ABCD4: variants seen among roughly 807,000 people sequenced by gnomAD.
ABCD4 encodes lysosomal cobalamin transporter ABCD4.
ABCD4 carries 53 observed loss-of-function variants against 86.3 expected under a neutral mutation model. The observed-to-expected ratio is 0.61, with a 90% confidence interval of 0.49 to 0.77. The LOEUF (loss-of-function observed/expected upper bound fraction) is 0.77. Ranked by LOEUF, ABCD4 falls within the 30% of genes least tolerant of loss-of-function variation. The pLI is 0.00. For synonymous variants in ABCD4, 328 were observed against 313.6 expected (o/e 1.05, Z -0.49); for missense variants, 757 against 764.5 (o/e 0.99, Z 0.12).
intron 2 of ABCD4, chr14:74,299,919 C>T (rs1216702201): frequency 1.9e-5 from 11 of 583,880 alleles, no homozygotes; most frequent in Admixed American, 1.2e-4. Context: ...AAAGTTTAGT[C>T]GGGCGTGGTG....
chr14:74,289,735 T>G (rs2080940320), intron 13 of ABCD4: 23 of 1,434,670 alleles, frequency 1.6e-5, no homozygotes, highest in Non-Finnish European at 2.0e-5. Flanking sequence ...TCTGACAGCC[T>G]CCTGAGGGCA....
chr14:74,302,666 G>A (rs1415678931), intron 1 of ABCD4, among the ~76,000 whole-genome samples: 1 of 152,234 alleles, frequency 6.6e-6, no homozygotes, highest in African/African-American at 2.4e-5. Flanking sequence ...CACAAGTCCG[G>A]CCAAGAACGG....
rs997987461 is a variant in ABCD4, at chr14:74,299,870, T to C, written c.158-195A>G. The C allele has an allele frequency of 5.1e-6, 3 of 591,626 alleles. No individual in the cohort carries two copies. The Admixed American group carries it at 9.1e-5, about 18-fold the overall frequency. 36.6% of individuals were successfully genotyped at this position (591,626 alleles called of 1,614,324 possible). On this transcript the variant is annotated intron_variant, in intron 2 of 18. Transcript: ENST00000356924. ...TGAGGTCATGAGTTCGAGATCAGCC[T>C]GGCCAAGATGGTGAAACCCTGTCTT...
At chr14:74,289,786 G>A (rs889397508) in intron 13 of ABCD4, 14 of 1,436,800 alleles carry the variant, frequency 9.7e-6, no homozygotes, top group Non-Finnish European at 1.3e-5. Context: ...ACATACGCGT[G>A]TGGTATTTGG....
At chr14:74,295,276 G>A in intron 6 of ABCD4, 78 bp from the exon 7 acceptor site, 1 of 1,558,582 alleles carries the variant, frequency 6.4e-7, no homozygotes, top group Admixed American at 1.7e-5. Flanking sequence ...GGATCACAAA[G>A]ACCGCCCAAG....
intron 3 of ABCD4, 99 bp from the exon 4 acceptor site, chr14:74,298,168 C>T (rs2083370046): frequency 6.6e-7 from 1 of 1,521,604 alleles, no homozygotes; most frequent in South Asian, 1.3e-5. Context: ...CCCATCCCAG[C>T]CCACTCTGAC....
At chr14:74,292,204 A>C (rs1309882321) in intron 11 of ABCD4, 83 bp downstream of exon 11, 1 of 1,295,008 alleles carries the variant, frequency 7.7e-7, no homozygotes, top group East Asian at 2.3e-5. Flanking sequence ...CCAGCTGGGA[A>C]AGGGCAGGAC....
chr14:74,297,793 C>G, intron 4 of ABCD4, 137 bp downstream of exon 4: 3 of 1,420,340 alleles, frequency 2.1e-6, no homozygotes, highest in Non-Finnish European at 2.8e-6. Flanking sequence ...AGGGCACCCT[C>G]CCCCATGACT....
chr14:74,286,187 T>C lies in ABCD4; in HGVS notation c.*274A>G. On this transcript the variant is annotated 3_prime_UTR_variant, in exon 19 of 19. Transcript: ENST00000356924. ...TCTCTTTAGCAAACATGATCTGAAA[T>C]CATTTGTAGGTAATCAGCACTTCAA... 2.9e-6 allele frequency: 1 copy of C among 345,160 alleles called. No individual in the cohort carries two copies. The allele number at this position is 345,160 out of a possible 1,614,324, so 21.4% of individuals were successfully genotyped here. A position where few individuals can be genotyped will look rare whatever the true frequency, so the allele number is the denominator to read the frequency against.
At chr14:74,288,468 CATG>C (rs775230146) in intron 15 of ABCD4, 68 of 650,440 alleles carry the variant, frequency 1.0e-4, no homozygotes, top group Non-Finnish European at 1.7e-4. Context: ...CTTGCTGGAG[CATG>C]ATGACAGTAA....
chr14:74,296,526 A>T lies in ABCD4; in HGVS notation c.426-77T>A, dbSNP rs994707051. The T allele has an allele frequency of 1.5e-5, 20 of 1,317,936 alleles. No individual in the cohort carries two copies. In the African/African-American group the frequency reaches 2.9e-4, roughly 19 times the overall value. The allele number at this position is 1,317,936 out of a possible 1,614,324, so 81.6% of individuals were successfully genotyped here. A position where few individuals can be genotyped will look rare whatever the true frequency, so the allele number is the denominator to read the frequency against. ...AGAGAGAACAAGAAACTTTCACATC[A>T]CCTCTGCTCTTGACCTTGCCTCACA... On this transcript the variant is annotated intron_variant, in intron 4 of 18. Coordinates refer to ENST00000356924, the MANE Select transcript of ABCD4 (RefSeq NM_005050.4).
intron 15 of ABCD4, 98 bp from the exon 16 acceptor site, chr14:74,288,357 C>A: frequency 8.2e-7 from 1 of 1,213,044 alleles, no homozygotes; most frequent in Non-Finnish European, 1.2e-6. Context: ...ACACACACAC[C>A]TCTAAGACAA....
chr14:74,287,734 T>G, intron 17 of ABCD4, 76 bp downstream of exon 17: 1 of 1,365,920 alleles, frequency 7.3e-7, no homozygotes, highest in Admixed American at 2.0e-5. Flanking sequence ...TGTGCCTGGG[T>G]GCCTGTGAAC....
At chr14:74,287,665 C>G in intron 17 of ABCD4, 145 bp downstream of exon 17, 1 of 723,336 alleles carries the variant, frequency 1.4e-6, no homozygotes, top group Non-Finnish European at 2.4e-6. Flanking sequence ...ACTGTTTACA[C>G]GGGCAGGGCC....
At chr14:74,297,196 A>G (rs1312199954) in intron 4 of ABCD4, 2 of 152,314 alleles carry the variant, frequency 1.3e-5, no homozygotes, top group Admixed American at 1.3e-4. Flanking sequence ...CTGTAAAATA[A>G]CAATAGCTAA....
intron 15 of ABCD4, 41 bp downstream of exon 15, chr14:74,288,675 C>A: frequency 6.2e-7 from 1 of 1,606,474 alleles, no homozygotes; most frequent in Non-Finnish European, 8.5e-7. Context: ...GCTGGTGCTC[C>A]CAGGTGGGCT....
chr14:74,288,100 A>G (rs1210707682), intron 16 of ABCD4, 107 bp downstream of exon 16: 5 of 1,325,580 alleles, frequency 3.8e-6, no homozygotes, highest in Non-Finnish European at 5.3e-6. Flanking sequence ...GACCAGCCAA[A>G]CATCTGGACT....
At chr14:74,292,467 GTC>G in intron 10 of ABCD4, 82 bp downstream of exon 10, 1 of 1,587,188 alleles carries the variant, frequency 6.3e-7, no homozygotes, top group Non-Finnish European at 8.6e-7. Flanking sequence ...TACATGGTAT[GTC>G]TCTGTTCCTT....
rs748543597 is a variant in ABCD4 at position 74,295,997 on chromosome 14, G to A, written c.543-18C>T. On this transcript the variant is annotated intron_variant, in intron 5 of 18. Coordinates refer to ENST00000356924, the MANE Select transcript of ABCD4 (RefSeq NM_005050.4). The stretch of plus-strand genomic sequence containing the variant: ...AGCCTGTGCTGAAATAGAGAGAGAG[G>A]GAGAGAAGGGAGAGGGTGTGGGGTG... 1.2e-5 allele frequency: 19 copies of A among 1,583,940 alleles called. No homozygotes were observed. The African/African-American group carries it at 1.5e-4, about 13-fold the overall frequency.
Sources: gnomAD v4.1 joint callset for allele counts (sites outside exome capture counted in the v4.1 genomes callset) on GRCh38, gnomAD v4.1.1 for gene constraint, MANE v1.5 for transcripts, NCBI Gene and HGNC (gene_info 2026-07-23, HGNC 2026-07-21) for gene names.